The following HTT variants were observed in gnomAD, a reference collection of about 807,000 sequenced individuals.
HTT encodes the protein huntington disease protein.
Under a neutral mutation model 362.3 loss-of-function variants are expected in HTT, and 104 were observed. That is an observed-to-expected ratio of 0.29 (90% CI 0.24 to 0.34). The LOEUF is 0.34. HTT is among the 10% of genes least tolerant of loss of function. The pLI, the probability that HTT is intolerant of heterozygous loss-of-function variation, is 1.00. For synonymous variants in HTT, 1,577 were observed against 1,548.7 expected, an observed-to-expected ratio of 1.02 and a Z score of -0.43; for missense variants, 3,301 against 3,928.6, an observed-to-expected ratio of 0.84 and a Z score of 4.27.
Position 3,208,754 on chromosome 4 carries a change from A to G in HTT, c.6153-19A>G. Reference sequence around the variant, plus strand: ...AAAAAACAAATTATACTGTAATTTCATTTTTATTTGTATTTTAGACACCAA... The same window carrying G: ...AAAAAACAAATTATACTGTAATTTCGTTTTTATTTGTATTTTAGACACCAA... On this transcript the variant is annotated intron_variant, in intron 45 of 66. Transcript: ENST00000355072. The G allele has an allele frequency of 6.4e-7, 1 of 1,571,368 alleles. No homozygotes were observed. Among genetic ancestry groups the G allele is most frequent in the Non-Finnish European group, 8.6e-7 (1 of 1,165,868 alleles).
chr4:3,167,803 C>T (rs1023351804), intron 29 of HTT, among the ~76,000 whole-genome samples: 1 of 152,148 alleles, frequency 6.6e-6, no homozygotes, highest in Non-Finnish European at 1.5e-5. Flanking sequence ...AAGCTCATCT[C>T]TGAAAATTTT....
At chr4:3,107,208 CCTAACAGGGAATGA>C in intron 5 of HTT, 63 bp from the exon 6 acceptor site, 6 of 1,517,550 alleles carry the variant, frequency 4.0e-6, no homozygotes, top group Non-Finnish European at 5.4e-6. Context: ...CTGGCTTTTC[CCTAACAGGGAATGA>C]ATTGCTTCTG....
In HTT at chr4:3,180,734, C is replaced by G. The variant is rs1718475176; in HGVS notation, c.4749+83C>G. 4 of 1,102,766 alleles carry G rather than the reference C, an allele frequency of 3.6e-6. No homozygotes were observed. The South Asian group carries it at 6.8e-5, about 19-fold the overall frequency. 68.3% of individuals were successfully genotyped at this position (1,102,766 alleles called of 1,614,324 possible). ...AGGAAGTGCCATGTGGTAACGCTCA[C>G]TGTTAACTGTGTTACTTTGAACCAG... On this transcript the variant is annotated intron_variant, in intron 36 of 66. Transcript: ENST00000355072.
chr4:3,127,116 A>C (rs978883512), intron 11 of HTT, 148 bp from the exon 12 acceptor site: 20 of 631,282 alleles, frequency 3.2e-5, no homozygotes, highest in Non-Finnish European at 5.4e-5. Flanking sequence ...TGAAGGATGC[A>C]CTGCTGTCCT....
intron 35 of HTT, among the ~76,000 whole-genome samples, chr4:3,180,174 A>T (rs559159068): frequency 1.3e-5 from 2 of 152,290 alleles, no homozygotes; most frequent in South Asian, 4.1e-4. Context: ...ATTATTCTTG[A>T]GACCAGGAAT....
chr4:3,148,519 C>G (rs922237601), intron 26 of HTT, among the ~76,000 whole-genome samples: 1 of 151,944 alleles, frequency 6.6e-6, no homozygotes, highest in East Asian at 1.9e-4. Flanking sequence ...TGGGTTGGGC[C>G]GGGCGTGGTG....
chr4:3,108,694 C>G (rs1028999045), intron 6 of HTT, among the ~76,000 whole-genome samples: 1 of 152,102 alleles, frequency 6.6e-6, no homozygotes, highest in Non-Finnish European at 1.5e-5. Context: ...CTTCCTGAAC[C>G]TTTGGCATTA....
At chr4:3,121,497 AT>A in intron 9 of HTT, 65 bp downstream of exon 9, 1 of 1,089,660 alleles carries the variant, frequency 9.2e-7, no homozygotes, top group Non-Finnish European at 1.4e-6. Context: ...CACTCTATTG[AT>A]TATGGGCCTG....
chr4:3,235,587 G>C lies in HTT; in HGVS notation c.8594G>C (p.Gly2865Ala), dbSNP rs573732436. The C allele has an allele frequency of 1.2e-6, 2 of 1,613,774 alleles. No individual in the cohort carries two copies. The highest frequency in any genetic ancestry group is 1.7e-6 in the Non-Finnish European group (2 of 1,180,018). The part of the protein sequence containing the change: ...IIQMCGVMLS[G>A]SEESTPSIIY... ...CAGATGTGTGGGGTGATGCTGTCTGGAAGTGAGGAGTCCACCCCCTCCATC... is the reference window on the plus strand; with the variant it reads ...CAGATGTGTGGGGTGATGCTGTCTGCAAGTGAGGAGTCCACCCCCTCCATC... Residue 2865 changes from glycine to alanine, a missense_variant, in exon 63 of 67, where the codon GGA (glycine) becomes GCA (alanine). Gly to Ala is a moderately conservative substitution (Grantham distance 60). Transcript: ENST00000355072.
chr4:3,117,359 T>C (rs541791800), intron 8 of HTT, among the ~76,000 whole-genome samples: 1 of 152,244 alleles, frequency 6.6e-6, no homozygotes, highest in Admixed American at 6.5e-5. Flanking sequence ...TTTTTTAAGC[T>C]AGCTTTTTAT....
intron 42 of HTT, 120 bp downstream of exon 42, chr4:3,204,268 C>T (rs1719739394): frequency 1.1e-6 from 1 of 883,160 alleles, no homozygotes; most frequent in Non-Finnish European, 1.8e-6. Flanking sequence ...TGCCAAGCTC[C>T]ATCGAAACTA....
Position 3,180,570 on chromosome 4 carries a change from T to C in HTT, c.4668T>C (p.Asn1556=). Residue 1556 remains asparagine (N), a synonymous_variant, in exon 36 of 67, where the codon AAT becomes AAC. Transcript: ENST00000355072. The stretch of plus-strand genomic sequence containing the variant: ...ACCTCTTTGTATTAAGAGGAACAAA[T>C]AAAGCTGATGCAGGAAAAGAGCTTG... ...VHDLFVLRGT[N]KADAGKELET... The C allele has an allele frequency of 6.2e-7, 1 of 1,613,260 alleles. No individual in the cohort carries two copies. Among genetic ancestry groups the C allele is most frequent in the Non-Finnish European group, 8.5e-7 (1 of 1,179,736 alleles).
chr4:3,086,789 T>C, intron 1 of HTT, 150 bp from the exon 2 acceptor site: 1 of 527,656 alleles, frequency 1.9e-6, no homozygotes, highest in South Asian at 2.9e-5. Context: ...TGTGCTTCCC[T>C]GTCCAGATCC....
chr4:3,125,212 TATAAC>T (rs940568616), intron 10 of HTT, among the ~76,000 whole-genome samples: 82 of 152,280 alleles, frequency 5.4e-4, no homozygotes, highest in African/African-American at 1.9e-3. Context: ...TCTTTACAGT[TATAAC>T]TTACCATTTT....
intron 33 of HTT, among the ~76,000 whole-genome samples, chr4:3,175,978 G>A (rs187062032): frequency 3.4e-4 from 51 of 151,778 alleles, no homozygotes; most frequent in Admixed American, 2.0e-3. Flanking sequence ...ATTTTCCACA[G>A]TGGGTATTGG....
At position 3,174,754 on chromosome 4, in the gene HTT, G is replaced by A. The variant is rs762578142; in HGVS notation, c.4200G>A (p.Gln1400=). 1 of 1,614,094 alleles carries A rather than the reference G, an allele frequency of 6.2e-7. No homozygotes were observed. ...ATGTCCTCCAGAAAGTGTCTACCCAGTTGAAGACAAACCTCACGAGTGTCA... is the reference window on the plus strand; with the variant it reads ...ATGTCCTCCAGAAAGTGTCTACCCAATTGAAGACAAACCTCACGAGTGTCA... ...WFDVLQKVST[Q]LKTNLTSVTK... Residue 1400 remains glutamine, a synonymous_variant, in exon 32 of 67, where the codon CAG becomes CAA. Coordinates refer to ENST00000355072, the MANE Select transcript of HTT (RefSeq NM_001388492.1).
intron 21 of HTT, among the ~76,000 whole-genome samples, chr4:3,138,166 T>TCCCTTC (rs1716167918): frequency 8.1e-6 from 1 of 123,664 alleles, no homozygotes. Flanking sequence ...CTTCCCCTTT[T>TCCCTTC]CCCTTCCCCT....
At chr4:3,089,235 A>G (rs1713374381) in intron 2 of HTT, among the ~76,000 whole-genome samples, 1 of 152,110 alleles carries the variant, frequency 6.6e-6, no homozygotes, top group Admixed American at 6.6e-5. Context: ...GATGCCCATC[A>G]TCCAAAGCTA....
At chr4:3,189,753 C>T (rs1482248176) in intron 40 of HTT, among the ~76,000 whole-genome samples, 1 of 152,188 alleles carries the variant, frequency 6.6e-6, no homozygotes, top group East Asian at 1.9e-4. Context: ...GACCAGGTGT[C>T]ATGGCTCATG....
Sources: allele counts gnomAD v4.1 joint callset (sites outside exome capture counted in the v4.1 genomes callset), GRCh38; gene constraint gnomAD v4.1.1; transcripts MANE v1.5; gene names NCBI Gene and HGNC (gene_info 2026-07-23, HGNC 2026-07-21).